MRPL47: variants seen among roughly 807,000 people sequenced by gnomAD.
MRPL47 encodes the protein large ribosomal subunit protein uL29m.
Under a neutral mutation model 34.0 loss-of-function variants are expected in MRPL47, and 31 were observed. The ratio of observed to expected loss-of-function variants is 0.91; its 90% CI spans 0.68 to 1.23. The LOEUF (loss-of-function observed/expected upper bound fraction) is 1.23. Ranked by LOEUF, MRPL47 falls within the 50% of genes most tolerant of loss-of-function variation. The pLI is 0.00. For synonymous variants in MRPL47, 106 were observed against 101.6 expected (o/e 1.04, Z -0.26); for missense variants, 328 against 285.8 (o/e 1.15, Z -1.07).
chr3:179,600,826 G>C (rs1312800022), intron 3 of MRPL47, among the ~76,000 whole-genome samples: 2 of 152,162 alleles, frequency 1.3e-5, no homozygotes, highest in East Asian at 1.9e-4. Context: ...TGCAGGGCCG[G>C]TGTTGCCAAA....
At chr3:179,589,612 T>C (rs990910985) in intron 6 of MRPL47, among the ~76,000 whole-genome samples, 2 of 152,120 alleles carry the variant, frequency 1.3e-5, no homozygotes, top group African/African-American at 4.8e-5. Flanking sequence ...TATTGGTCAA[T>C]AGAAATAAGT....
intron 3 of MRPL47, among the ~76,000 whole-genome samples, chr3:179,600,691 A>G (rs1050742945): frequency 6.6e-6 from 1 of 152,136 alleles, no homozygotes; most frequent in African/African-American, 2.4e-5. Flanking sequence ...CCCTAGGCAG[A>G]TAACAATTAT....
At chr3:179,600,241 T>C (rs1248861308) in intron 3 of MRPL47, among the ~76,000 whole-genome samples, 1 of 152,216 alleles carries the variant, frequency 6.6e-6, no homozygotes, top group South Asian at 2.1e-4. Context: ...AGTGCTTTAA[T>C]ACAACTTATT....
At chr3:179,602,988 T>C (rs1378590308) in intron 1 of MRPL47, among the ~76,000 whole-genome samples, 191 bp from the exon 2 acceptor site, 1 of 152,034 alleles carries the variant, frequency 6.6e-6, no homozygotes, top group African/African-American at 2.4e-5. Flanking sequence ...TCCAGGCTGG[T>C]CTCGAACTCC....
chr3:179,594,029 C>T (rs1718736155), intron 4 of MRPL47, 134 bp from the exon 5 acceptor site: 1 of 793,262 alleles, frequency 1.3e-6, no homozygotes, highest in African/African-American at 1.7e-5. Context: ...TTAAGTATTT[C>T]CTAAAAATCT....
rs1718582498 is a variant in MRPL47 at position 179,588,584 on chromosome 3, C to T, written c.*288G>A. Reference sequence around the variant, plus strand: ...AACTACGGTATTGCCTTTGCTGTGGCAGTTACCATCACCTTCACACTCTAA... The same window carrying T: ...AACTACGGTATTGCCTTTGCTGTGGTAGTTACCATCACCTTCACACTCTAA... On this transcript the variant is annotated 3_prime_UTR_variant, in exon 7 of 7. Transcript: ENST00000476781. 3 of 227,576 alleles carry T rather than the reference C, an allele frequency of 1.3e-5. No homozygotes were observed. The East Asian group carries it at 2.8e-4, about 21-fold the overall frequency. 14.1% of individuals were successfully genotyped at this position (227,576 alleles called of 1,614,324 possible).
At chr3:179,594,955 C>CA (rs1297682968) in intron 4 of MRPL47, among the ~76,000 whole-genome samples, 2 of 151,986 alleles carry the variant, frequency 1.3e-5, no homozygotes, top group East Asian at 1.9e-4. Context: ...TAAGAATCCT[C>CA]AAAAAAAGCA....
At chr3:179,604,505 AC>A (rs951886761) in intron 1 of MRPL47, 21 bp downstream of exon 1, 13 of 1,602,348 alleles carry the variant, frequency 8.1e-6, no homozygotes, top group Non-Finnish European at 1.1e-5. Flanking sequence ...AGGTGGGCAA[AC>A]CTACTTTATA....
chr3:179,604,101 G>C (rs1215285328), intron 1 of MRPL47, among the ~76,000 whole-genome samples: 5 of 152,046 alleles, frequency 3.3e-5, no homozygotes, highest in Non-Finnish European at 7.4e-5. Context: ...AAGTTACTAA[G>C]TTACCAGTTA....
At chr3:179,602,214 C>T (rs895743780) in intron 2 of MRPL47, among the ~76,000 whole-genome samples, 2 of 152,096 alleles carry the variant, frequency 1.3e-5, no homozygotes, top group South Asian at 2.1e-4. Flanking sequence ...CGTGGTGGCA[C>T]GTGCCTGTAA....
chr3:179,602,854 CAATAAACATTATCAT>C, intron 1 of MRPL47, 57 bp from the exon 2 acceptor site: 2 of 1,283,368 alleles, frequency 1.6e-6, no homozygotes, highest in Non-Finnish European at 2.2e-6. Context: ...ATTTTATAAG[CAATAAACATTATCAT>C]AATAAACATA....
chr3:179,589,953 G>C (rs1243868406), intron 6 of MRPL47, among the ~76,000 whole-genome samples: 2 of 152,138 alleles, frequency 1.3e-5, no homozygotes, highest in East Asian at 3.8e-4. Context: ...CTGAAGGTGA[G>C]GCTTAAAAAG....
intron 1 of MRPL47, among the ~76,000 whole-genome samples, chr3:179,603,731 G>C (rs1718985493): frequency 6.6e-6 from 1 of 152,092 alleles, no homozygotes; most frequent in Non-Finnish European, 1.5e-5. Flanking sequence ...TAAATACGCA[G>C]CTAAGAATGG....
At chr3:179,591,186 G>A (rs916274625) in intron 6 of MRPL47, among the ~76,000 whole-genome samples, 6 of 152,090 alleles carry the variant, frequency 3.9e-5, no homozygotes, top group South Asian at 2.1e-4. Flanking sequence ...TGCTGCTATC[G>A]TGCTGCTATG....
At chr3:179,604,071 G>T (rs1718997713) in intron 1 of MRPL47, among the ~76,000 whole-genome samples, 2 of 151,398 alleles carry the variant, frequency 1.3e-5, no homozygotes, top group South Asian at 4.2e-4. Flanking sequence ...CCAGGACCAA[G>T]AAAAATAAAT....
intron 4 of MRPL47, among the ~76,000 whole-genome samples, chr3:179,595,604 T>A (rs890694610): frequency 6.6e-6 from 1 of 152,246 alleles, no homozygotes; most frequent in African/African-American, 2.4e-5. Context: ...GTTCACTAAC[T>A]GCATTAAAGA....
intron 3 of MRPL47, among the ~76,000 whole-genome samples, chr3:179,600,008 C>A (rs1412579007): frequency 3.3e-5 from 5 of 151,776 alleles, no homozygotes; most frequent in African/African-American, 4.8e-5. Flanking sequence ...GCCTGTAATC[C>A]CAGCTACTCA....
chr3:179,592,504 AT>A, intron 6 of MRPL47, 139 bp downstream of exon 6: 2 of 590,772 alleles, frequency 3.4e-6, no homozygotes, highest in Non-Finnish European at 5.8e-6. Context: ...TGACTTTCCT[AT>A]TTTTTATAAT....
At chr3:179,598,397 GACACACACAC>G (rs11455585) in intron 4 of MRPL47, among the ~76,000 whole-genome samples, 1 of 102,950 alleles carries the variant, frequency 9.7e-6, no homozygotes, top group Admixed American at 1.2e-4. Context: ...CTGACACACT[GACACACACAC>G]ACACACACAC....
Sources: gnomAD v4.1 joint callset for allele counts (sites outside exome capture counted in the v4.1 genomes callset) on GRCh38, gnomAD v4.1.1 for gene constraint, MANE v1.5 for transcripts, NCBI Gene and HGNC (gene_info 2026-07-23, HGNC 2026-07-21) for gene names.